DLG1: variants seen among roughly 807,000 people sequenced by gnomAD.
DLG1 encodes disks large homolog 1.
DLG1 carries 42 observed loss-of-function variants against 123.4 expected under a neutral mutation model. The observed-to-expected ratio is 0.34, with a 90% confidence interval of 0.27 to 0.44. The LOEUF (loss-of-function observed/expected upper bound fraction) is 0.44. DLG1 is among the 20% of genes least tolerant of loss of function. The pLI is 1.00. For synonymous variants in DLG1, 317 were observed against 356.2 expected (o/e 0.89, Z 1.24); for missense variants, 942 against 1,082.6 (o/e 0.87, Z 1.82).
At chr3:197,091,403 ATAAT>A (rs1757657429) in intron 14 of DLG1, among the ~76,000 whole-genome samples, 1 of 151,964 alleles carries the variant, frequency 6.6e-6, no homozygotes. Flanking sequence ...ACCTATAATA[ATAAT>A]TAATACACTA....
At position 197,138,229 on chromosome 3, in the gene DLG1, A is replaced by G. The variant is rs766252995; in HGVS notation, c.876T>C (p.Gly292=). Residue 292 remains glycine, a synonymous_variant, in exon 9 of 25, where the codon GGT becomes GGC. Coordinates refer to ENST00000667157, the MANE Select transcript of DLG1 (RefSeq NM_001366207.1). ...GTTTGACTTACCACATACCTTTAGG[A>G]CCTTTAATGAGCTTTATTTCCATTA... ...EKIMEIKLIK[G]PKGLGFSIAG... 1.5e-5 allele frequency: 24 copies of G among 1,556,750 alleles called. No homozygotes were observed. The highest frequency in any genetic ancestry group is 1.8e-5 in the Admixed American group (1 of 57,098).
chr3:197,052,697 T>C (rs976614519), intron 23 of DLG1, among the ~76,000 whole-genome samples: 5 of 152,028 alleles, frequency 3.3e-5, no homozygotes, highest in Admixed American at 1.3e-4. Flanking sequence ...CAAACAACCA[T>C]ATAAATAACA....
At chr3:197,144,748 C>T (rs928660860) in intron 6 of DLG1, among the ~76,000 whole-genome samples, 7 of 152,048 alleles carry the variant, frequency 4.6e-5, no homozygotes, top group Non-Finnish European at 1.0e-4. Context: ...AGATTCAAAC[C>T]CTATTACTAT....
At chr3:197,149,371 T>C (rs1792772832) in intron 6 of DLG1, among the ~76,000 whole-genome samples, 2 of 152,164 alleles carry the variant, frequency 1.3e-5, no homozygotes, top group African/African-American at 2.4e-5. Flanking sequence ...TTCGTATATA[T>C]GAATGCACAA....
chr3:197,164,772 A>G (rs923471151), intron 5 of DLG1, among the ~76,000 whole-genome samples: 1 of 151,386 alleles, frequency 6.6e-6, no homozygotes, highest in Non-Finnish European at 1.5e-5. Flanking sequence ...AAATACAAAG[A>G]TTAGCTAGGT....
chr3:197,138,390 C>A lies in DLG1; in HGVS notation c.715G>T (p.Val239Phe), dbSNP rs2149626471. The A allele has an allele frequency of 7.4e-7, 1 of 1,349,294 alleles. No individual in the cohort carries two copies. The allele number at this position is 1,349,294 out of a possible 1,614,324, so 83.6% of individuals were successfully genotyped here. ...TTTACTCGTAATATACAGTCATTGA[C>A]CCTGAGAAAACAATTAAATATTAAA... ...GAAAQDGRLRVNDCILRVNEV... is the reference protein window; with the variant it reads ...GAAAQDGRLRFNDCILRVNEV... Residue 239 changes from valine (V) to phenylalanine (F), a missense_variant and splice_region_variant, in exon 9 of 25, where the codon GTC (valine) becomes TTC (phenylalanine). Physicochemically the swap from Val to Phe is conservative, Grantham distance 50 (BLOSUM62 -1). Coordinates refer to ENST00000667157, the MANE Select transcript of DLG1 (RefSeq NM_001366207.1).
chr3:197,241,233 G>C (rs550497398), intron 4 of DLG1, among the ~76,000 whole-genome samples: 1 of 151,798 alleles, frequency 6.6e-6, no homozygotes, highest in African/African-American at 2.4e-5. Context: ...GGCCAGGAAG[G>C]GACAGGAACA....
intron 24 of DLG1, among the ~76,000 whole-genome samples, chr3:197,049,172 C>T (rs925706679): frequency 2.4e-4 from 37 of 151,846 alleles, no homozygotes; most frequent in Non-Finnish European, 5.0e-4. Context: ...CAAAAATTAG[C>T]TGGGTGTGGT....
At chr3:197,298,256 C>G (rs1270948263) in intron 1 of DLG1, 8 of 355,460 alleles carry the variant, frequency 2.3e-5, no homozygotes, top group Non-Finnish European at 3.0e-5. Context: ...AAGGGGGAGG[C>G]GGGTCGGGGG....
intron 14 of DLG1, among the ~76,000 whole-genome samples, chr3:197,093,899 C>T (rs1759191157): frequency 6.6e-6 from 1 of 152,156 alleles, no homozygotes; most frequent in Non-Finnish European, 1.5e-5. Context: ...GGAATCTGGG[C>T]TAGTGCTTTG....
chr3:197,057,726 C>T (rs1004501371), intron 23 of DLG1, among the ~76,000 whole-genome samples: 5 of 152,052 alleles, frequency 3.3e-5, no homozygotes, highest in Admixed American at 6.6e-5. Flanking sequence ...GCCCTTTGTC[C>T]CTTTTCCTGT....
At chr3:197,076,727 G>T in intron 17 of DLG1, 42 bp from the exon 18 acceptor site, 1 of 1,499,054 alleles carries the variant, frequency 6.7e-7, no homozygotes, top group Non-Finnish European at 9.3e-7. Context: ...GATGTCTACT[G>T]TCTGTGTGTA....
chr3:197,122,181 G>A (rs750979746), intron 11 of DLG1, among the ~76,000 whole-genome samples: 6 of 151,834 alleles, frequency 4.0e-5, no homozygotes, highest in African/African-American at 4.8e-5. Context: ...ATGGTTTAGC[G>A]TTAGAAAATC....
rs1034187057 is a variant in DLG1, at chr3:197,273,230, A to G, written c.318+9449T>C. 1.2e-4 allele frequency among the ~76,000 whole-genome samples: 16 copies of G among 129,878 alleles called. 1 individual carries two copies. The highest frequency in any genetic ancestry group is 2.3e-4 in the Non-Finnish European group (14 of 60,008). 85.2% of individuals were successfully genotyped at this position (129,878 alleles called of 152,430 possible). A position where few individuals can be genotyped will look rare whatever the true frequency, so the allele number is the denominator to read the frequency against. ...TGTGTGTATGTGTGTGTATATATATATATTTTTTTCTTTATTTTTATTTTT... is the reference window on the plus strand; with the variant it reads ...TGTGTGTATGTGTGTGTATATATATGTATTTTTTTCTTTATTTTTATTTTT... On this transcript the variant is annotated intron_variant, in intron 4 of 24. Transcript: ENST00000667157.
intron 11 of DLG1, among the ~76,000 whole-genome samples, chr3:197,127,380 A>G (rs576459282): frequency 5.2e-3 from 676 of 129,608 alleles, no homozygotes; most frequent in Non-Finnish European, 8.6e-3. Context: ...CTGAGATTGC[A>G]CCACTGCACT....
intron 17 of DLG1, among the ~76,000 whole-genome samples, chr3:197,079,586 T>C (rs1037827894): frequency 6.6e-6 from 1 of 152,228 alleles, no homozygotes; most frequent in Non-Finnish European, 1.5e-5. Flanking sequence ...AGTTACAACA[T>C]GCAACCTCTT....
chr3:197,208,328 C>G (rs1191490525), intron 4 of DLG1, among the ~76,000 whole-genome samples: 1 of 146,392 alleles, frequency 6.8e-6, no homozygotes. Flanking sequence ...GGTACTACCT[C>G]TATAAAAGGA....
At chr3:197,278,225 G>A (rs1015998908) in intron 4 of DLG1, among the ~76,000 whole-genome samples, 6 of 133,100 alleles carry the variant, frequency 4.5e-5, no homozygotes, top group South Asian at 5.0e-4. Context: ...GGAGGTTGCA[G>A]TGAGACGAGA....
intron 4 of DLG1, among the ~76,000 whole-genome samples, chr3:197,274,950 C>T (rs1487151588): frequency 6.6e-6 from 1 of 152,056 alleles, no homozygotes; most frequent in Non-Finnish European, 1.5e-5. Context: ...CATGGGAGGC[C>T]GAGGCAGGCA....
Sources: gnomAD v4.1 joint callset for allele counts (sites outside exome capture counted in the v4.1 genomes callset) on GRCh38, gnomAD v4.1.1 for gene constraint, MANE v1.5 for transcripts, NCBI Gene and HGNC (gene_info 2026-07-23, HGNC 2026-07-21) for gene names.